Variants in TTC39C observed in about 807,000 individuals in gnomAD.
TTC39C encodes the protein tetratricopeptide repeat protein 39C.
Under a neutral mutation model 76.3 loss-of-function variants are expected in TTC39C, and 33 were observed. The ratio of observed to expected loss-of-function variants is 0.43; its 90% CI spans 0.33 to 0.58. The LOEUF (loss-of-function observed/expected upper bound fraction) is 0.58, where lower values mean the gene tolerates loss of function less well. TTC39C is among the 20% of genes least tolerant of loss of function. The probability of loss-of-function intolerance (pLI) is 0.04; values close to 1 mark genes in which losing one functional copy is unlikely to be tolerated. For synonymous variants in TTC39C, 254 were observed against 260.6 expected, an observed-to-expected ratio of 0.97 and a Z score of 0.24; for missense variants, 595 against 701.4, an observed-to-expected ratio of 0.85 and a Z score of 1.71.
chr18:24,128,777 A>G (rs1226777122), intron 10 of TTC39C, 109 bp from the exon 11 acceptor site: 4 of 833,124 alleles, frequency 4.8e-6, no homozygotes, highest in Non-Finnish European at 5.6e-6. Context: ...TTAGGTTCAT[A>G]TCAGGAGGCA....
intron 3 of TTC39C, 99 bp from the exon 4 acceptor site, chr18:24,069,058 C>A: frequency 2.0e-6 from 2 of 995,024 alleles, no homozygotes; most frequent in South Asian, 1.6e-5. Context: ...TTTCACAATT[C>A]GTATGTGAAA....
intron 6 of TTC39C, among the ~76,000 whole-genome samples, chr18:24,085,231 T>C (rs1372624638): frequency 6.6e-6 from 1 of 152,230 alleles, no homozygotes; most frequent in Non-Finnish European, 1.5e-5. Flanking sequence ...AAGCCTAAAG[T>C]TTAAAATTGT....
intron 1 of TTC39C, among the ~76,000 whole-genome samples, chr18:24,022,080 A>G (rs772566210): frequency 1.3e-5 from 2 of 152,132 alleles, no homozygotes; most frequent in African/African-American, 2.4e-5. Flanking sequence ...GTAAACACAT[A>G]ATGATAAATG....
At chr18:24,114,271 C>G in intron 6 of TTC39C, 1 of 318,054 alleles carries the variant, frequency 3.1e-6, no homozygotes, top group South Asian at 3.5e-5. Flanking sequence ...TGGGTGTGAG[C>G]TGAGCCCTTA....
chr18:24,004,976 T>C (rs1221707858), intron 1 of TTC39C, among the ~76,000 whole-genome samples: 1 of 152,160 alleles, frequency 6.6e-6, no homozygotes, highest in Non-Finnish European at 1.5e-5. Context: ...AGATCATATA[T>C]GAGATAATGT....
In TTC39C at chr18:24,132,503, G is replaced by A; in HGVS notation, c.1681G>A (p.Asp561Asn). Residue 561 changes from aspartate (D) to asparagine (N), a missense_variant, in exon 14 of 14, where the codon GAC becomes AAC. Transcript: ENST00000317571. ...CTTACAGGAGGATTTCTCTGGCTAC[G>A]ACTTTGAAAACAGATTGCATGTCCG... ...LQAKEDFSGY[D>N]FENRLHVRIH... The A allele has an allele frequency of 1.2e-6, 2 of 1,614,024 alleles. No homozygotes were observed. Among genetic ancestry groups the A allele is most frequent in the South Asian group, 1.1e-5 (1 of 91,052 alleles).
chr18:24,104,207 T>A (rs759570138), intron 6 of TTC39C, among the ~76,000 whole-genome samples: 4 of 152,150 alleles, frequency 2.6e-5, no homozygotes, highest in African/African-American at 4.8e-5. Context: ...GCTGGGTTTA[T>A]AGGCATGAGC....
intron 4 of TTC39C, among the ~76,000 whole-genome samples, chr18:24,070,108 C>A (rs1334403801): frequency 9.2e-5 from 14 of 152,146 alleles, no homozygotes; most frequent in Admixed American, 9.2e-4. Context: ...GTTTTTCCCC[C>A]TTTTTCTTGT....
chr18:24,077,969 G>T (rs1461344916), intron 4 of TTC39C, among the ~76,000 whole-genome samples: 1 of 152,166 alleles, frequency 6.6e-6, no homozygotes, highest in Non-Finnish European at 1.5e-5. Flanking sequence ...AAAAGTCATT[G>T]AGCCTCTTAA....
chr18:24,097,195 T>C (rs1488736470), intron 6 of TTC39C, among the ~76,000 whole-genome samples: 1 of 152,226 alleles, frequency 6.6e-6, no homozygotes, highest in Non-Finnish European at 1.5e-5. Flanking sequence ...AAGTAGCAGA[T>C]GTTATCATTC....
chr18:24,119,564 C>G (rs1402187830), intron 8 of TTC39C, among the ~76,000 whole-genome samples: 1 of 152,040 alleles, frequency 6.6e-6, no homozygotes, highest in Non-Finnish European at 1.5e-5. Flanking sequence ...GCAAATGGAC[C>G]CCAAAAGTCA....
At chr18:24,073,459 T>C (rs956603715) in intron 4 of TTC39C, among the ~76,000 whole-genome samples, 6 of 152,104 alleles carry the variant, frequency 3.9e-5, no homozygotes, top group African/African-American at 1.4e-4. Context: ...TTTATCTTTC[T>C]CTTATGCTTA....
intron 1 of TTC39C, chr18:24,016,716 C>T (rs1486260370): frequency 5.0e-6 from 2 of 398,446 alleles, no homozygotes; most frequent in Non-Finnish European, 8.8e-6. Context: ...CAGAGAGATG[C>T]CCCTTCAAAG....
intron 1 of TTC39C, among the ~76,000 whole-genome samples, chr18:24,004,250 C>G (rs1274958463): frequency 6.6e-6 from 1 of 152,164 alleles, no homozygotes; most frequent in East Asian, 1.9e-4. Flanking sequence ...AGAAATGAGT[C>G]CCTGTGGCAT....
At chr18:24,110,715 A>G (rs1245179613) in intron 6 of TTC39C, among the ~76,000 whole-genome samples, 1 of 152,238 alleles carries the variant, frequency 6.6e-6, no homozygotes, top group Non-Finnish European at 1.5e-5. Flanking sequence ...TTTCATAACA[A>G]TGCCATGGCT....
At chr18:24,078,256 G>A (rs2084331786) in intron 4 of TTC39C, among the ~76,000 whole-genome samples, 1 of 152,176 alleles carries the variant, frequency 6.6e-6, no homozygotes. Flanking sequence ...GATCCCCTGG[G>A]TGATATGTTC....
At chr18:24,079,643 A>G (rs1016619267) in intron 4 of TTC39C, among the ~76,000 whole-genome samples, 1 of 152,184 alleles carries the variant, frequency 6.6e-6, no homozygotes, top group South Asian at 2.1e-4. Flanking sequence ...TCAGATATAC[A>G]TGAATTGGGA....
chr18:24,039,541 A>G (rs2083768366), intron 1 of TTC39C, among the ~76,000 whole-genome samples: 1 of 152,216 alleles, frequency 6.6e-6, no homozygotes, highest in Admixed American at 6.5e-5. Context: ...TGTGTTGCCC[A>G]CGTTGGTCTC....
chr18:24,045,905 A>ATG (rs1226191500), intron 1 of TTC39C, among the ~76,000 whole-genome samples: 2 of 39,614 alleles, frequency 5.0e-5, no homozygotes, highest in African/African-American at 2.9e-4. Flanking sequence ...ATATATATAT[A>ATG]TATATATATA....
Sources: allele counts gnomAD v4.1 joint callset (sites outside exome capture counted in the v4.1 genomes callset), GRCh38; gene constraint gnomAD v4.1.1; transcripts MANE v1.5; gene names NCBI Gene and HGNC (gene_info 2026-07-23, HGNC 2026-07-21).